PXK: variants seen among roughly 807,000 people sequenced by gnomAD.
PXK encodes the protein PX domain containing serine/threonine kinase like.
A neutral mutation model predicts 84.7 loss-of-function variants in PXK; 35 were observed. The observed-to-expected ratio is 0.41, with a 90% CI of 0.32 to 0.55. The LOEUF (loss-of-function observed/expected upper bound fraction) is 0.55, where lower values mean the gene tolerates loss of function less well. Ranked by LOEUF, PXK falls within the 20% of genes least tolerant of loss-of-function variation. The pLI is 0.21. For synonymous variants in PXK, 253 were observed against 260.8 expected (o/e 0.97, Z 0.29); for missense variants, 634 against 699.7 (o/e 0.91, Z 1.06).
chr3:58,367,042 A>G (rs978350906), intron 2 of PXK, among the ~76,000 whole-genome samples: 7 of 152,116 alleles, frequency 4.6e-5, no homozygotes, highest in Non-Finnish European at 8.8e-5. Context: ...TTCTAGATCC[A>G]TTGCATTAGA....
chr3:58,398,326 G>A lies in PXK; in HGVS notation c.1102+604G>A, dbSNP rs933119547. 6.6e-6 allele frequency among the ~76,000 whole-genome samples: 1 copy of A among 152,156 alleles called. No individual in the cohort carries two copies. Among genetic ancestry groups the A allele is most frequent in the Admixed American group, 6.5e-5 (1 of 15,278 alleles). On this transcript the variant is annotated intron_variant, in intron 11 of 17. Transcript: ENST00000356151. This position sits in a 1 kb window ranked among gnomAD's most constrained non-coding sequence, Gnocchi z 4.5. ...TGAGGCACGAGAATTGCTTGAACCC[G>A]CCTCTTGGGAGGTGGAGGTTGCAGT...
intron 17 of PXK, among the ~76,000 whole-genome samples, chr3:58,424,521 C>A (rs1288474818): frequency 6.6e-6 from 1 of 152,178 alleles, no homozygotes; most frequent in Non-Finnish European, 1.5e-5. Flanking sequence ...ATTATTTGTT[C>A]CAACAGCCTT....
At position 58,332,994 on chromosome 3, in the gene PXK, C is replaced by T. The variant is rs1247908072; in HGVS notation, c.6C>T (p.Ala2=). Residue 2 remains alanine, a synonymous_variant, in exon 1 of 18, where the codon GCC becomes GCT. Coordinates refer to ENST00000356151, the MANE Select transcript of PXK (RefSeq NM_017771.5). This position sits in a 1 kb window ranked among gnomAD's most constrained non-coding sequence, Gnocchi z 5.6. M[A]FMEKPPAGKV... is the part of the protein sequence containing the mutation. ...CGGCGGCCGGGCGTCCCGGGATGGCCTTCATGGAGAAGCCGCCAGCCGGCA... is the reference window on the plus strand; with the variant it reads ...CGGCGGCCGGGCGTCCCGGGATGGCTTTCATGGAGAAGCCGCCAGCCGGCA... 14 of 1,367,398 alleles carry T rather than the reference C, an allele frequency of 1.0e-5. No individual in the cohort carries two copies. The highest frequency in any genetic ancestry group is 1.3e-5 in the Non-Finnish European group (14 of 1,047,648). 84.7% of individuals were successfully genotyped at this position (1,367,398 alleles called of 1,614,324 possible).
At chr3:58,374,001 C>T (rs1293122801) in intron 3 of PXK, among the ~76,000 whole-genome samples, 5 of 130,376 alleles carry the variant, frequency 3.8e-5, no homozygotes, top group Non-Finnish European at 8.2e-5. Flanking sequence ...GCCGAGATCG[C>T]ACACTGCACT....
chr3:58,419,595 G>A (rs1422516073), intron 17 of PXK, among the ~76,000 whole-genome samples: 2 of 152,342 alleles, frequency 1.3e-5, no homozygotes, highest in East Asian at 3.9e-4. Flanking sequence ...AAAGGTGGAG[G>A]GAGAGTAATA....
intron 1 of PXK, among the ~76,000 whole-genome samples, chr3:58,358,173 GT>G: frequency 6.6e-6 from 1 of 152,156 alleles, no homozygotes; most frequent in Non-Finnish European, 1.5e-5. Context: ...AAAATCCACT[GT>G]TTTAGTCATT....
intron 1 of PXK, among the ~76,000 whole-genome samples, chr3:58,355,054 G>A (rs1015836557): frequency 1.3e-5 from 2 of 151,898 alleles, no homozygotes; most frequent in Non-Finnish European, 2.9e-5. Flanking sequence ...GGGAGACAGA[G>A]GCAGAGGTTA....
At chr3:58,355,578 C>G (rs886161177) in intron 1 of PXK, among the ~76,000 whole-genome samples, 5 of 152,186 alleles carry the variant, frequency 3.3e-5, no homozygotes, top group African/African-American at 9.7e-5. Context: ...AACCGAGGTA[C>G]CTTTGAGTAC....
chr3:58,353,132 G>A (rs1231024992), intron 1 of PXK, among the ~76,000 whole-genome samples: 7 of 152,052 alleles, frequency 4.6e-5, no homozygotes, highest in African/African-American at 1.7e-4. Flanking sequence ...GAATAGCTGG[G>A]ACTACAGGCG....
intron 7 of PXK, among the ~76,000 whole-genome samples, chr3:58,393,682 C>A (rs2098653818): frequency 6.6e-6 from 1 of 152,110 alleles, no homozygotes; most frequent in African/African-American, 2.4e-5. Context: ...TTTTGCTAAA[C>A]ATTATACCCA....
At position 58,364,655 on chromosome 3, in the gene PXK, T is replaced by C. The variant is rs1576058594; in HGVS notation, c.103-1219T>C. ...TGAACCCAGGAGGCGGAAGTGGCAGTGAGCTGAGATCGTGCCACTGCACTC... is the reference window on the plus strand; with the variant it reads ...TGAACCCAGGAGGCGGAAGTGGCAGCGAGCTGAGATCGTGCCACTGCACTC... On this transcript the variant is annotated intron_variant, in intron 1 of 17. Transcript: ENST00000356151. This position sits in a 1 kb window ranked among gnomAD's most constrained non-coding sequence, Gnocchi z 4.3. Among the ~76,000 whole-genome samples the C allele has an allele frequency of 6.6e-6, 1 of 151,942 alleles. No individual in the cohort carries two copies. The highest frequency in any genetic ancestry group is 1.5e-5 in the Non-Finnish European group (1 of 67,998).
intron 7 of PXK, among the ~76,000 whole-genome samples, 187 bp from the exon 8 acceptor site, chr3:58,394,811 A>C (rs1422209271): frequency 6.6e-6 from 1 of 152,144 alleles, no homozygotes; most frequent in African/African-American, 2.4e-5. Flanking sequence ...CCCTTCCTCC[A>C]TCTGAAGAAG....
At chr3:58,354,447 A>AATTTTTTTTTTT (rs1559898591) in intron 1 of PXK, among the ~76,000 whole-genome samples, 1 of 141,312 alleles carries the variant, frequency 7.1e-6, no homozygotes. Context: ...GCTGCTTCCT[A>AATTTTTTTTTTT]GTTTTTTTTT....
intron 1 of PXK, among the ~76,000 whole-genome samples, chr3:58,350,879 A>C (rs1253120524): frequency 6.6e-6 from 1 of 152,216 alleles, no homozygotes; most frequent in African/African-American, 2.4e-5. Flanking sequence ...TTCTCAGAGT[A>C]GGAAGGATAG....
intron 1 of PXK, among the ~76,000 whole-genome samples, chr3:58,348,051 G>A (rs1488690212): frequency 6.6e-6 from 1 of 152,046 alleles, no homozygotes; most frequent in African/African-American, 2.4e-5. Context: ...AGGACTACAG[G>A]CGCGTGAGAC....
chr3:58,348,779 G>A (rs1404579710), intron 1 of PXK, among the ~76,000 whole-genome samples: 2 of 151,730 alleles, frequency 1.3e-5, no homozygotes, highest in Non-Finnish European at 2.9e-5. Flanking sequence ...GTCAGGTGTG[G>A]TGGCATACCT....
intron 17 of PXK, chr3:58,422,264 G>C (rs1041412388): frequency 1.0e-6 from 1 of 985,404 alleles, no homozygotes; most frequent in Non-Finnish European, 1.2e-6. Flanking sequence ...CTGACCCCTA[G>C]ACCTCCTCTC....
intron 4 of PXK, among the ~76,000 whole-genome samples, chr3:58,388,284 A>G (rs1022079340): frequency 6.6e-6 from 1 of 152,152 alleles, no homozygotes; most frequent in African/African-American, 2.4e-5. Flanking sequence ...GTTCACAGCT[A>G]TTTCCCCTGT....
chr3:58,367,088 G>A (rs2098282659), intron 2 of PXK, among the ~76,000 whole-genome samples: 1 of 152,048 alleles, frequency 6.6e-6, no homozygotes, highest in Non-Finnish European at 1.5e-5. Flanking sequence ...TAGACTCTTG[G>A]GCCCCATCCT....
Sources: allele counts gnomAD v4.1 joint callset (sites outside exome capture counted in the v4.1 genomes callset), GRCh38; gene constraint gnomAD v4.1.1; non-coding constraint Gnocchi (gnomAD v3.1); transcripts MANE v1.5; gene names NCBI Gene and HGNC (gene_info 2026-07-23, HGNC 2026-07-21).